CSMD1: variants seen among roughly 807,000 people sequenced by gnomAD.
CSMD1 encodes CUB and sushi domain-containing protein 1.
A neutral mutation model predicts 417.5 loss-of-function variants in CSMD1; 213 were observed. The ratio of observed to expected loss-of-function variants is 0.51; its 90% confidence interval spans 0.46 to 0.57. CSMD1 has a LOEUF of 0.57. CSMD1 is among the 20% of genes least tolerant of loss of function. The pLI is 0.00. For synonymous variants in CSMD1, 2,862 were observed against 1,736.8 expected, an observed-to-expected ratio of 1.65 and a Z score of -16.11; for missense variants, 6,923 against 4,529.7, an observed-to-expected ratio of 1.53 and a Z score of -15.17.
At chr8:4,071,491 C>T (rs1219989484) in intron 3 of CSMD1, among the ~76,000 whole-genome samples, 1 of 151,788 alleles carries the variant, frequency 6.6e-6, no homozygotes, top group Non-Finnish European at 1.5e-5. Flanking sequence ...TTTTTTTCAC[C>T]AAGAGCATTG....
At chr8:4,063,830 G>A (rs1230082732) in intron 3 of CSMD1, among the ~76,000 whole-genome samples, 1 of 152,264 alleles carries the variant, frequency 6.6e-6, no homozygotes, top group Non-Finnish European at 1.5e-5. Context: ...AATGTGGTAA[G>A]AAGGAACCAG....
intron 1 of CSMD1, among the ~76,000 whole-genome samples, chr8:4,704,027 C>T (rs74845931): frequency 5.3e-5 from 8 of 152,278 alleles, no homozygotes; most frequent in Admixed American, 1.3e-4. Flanking sequence ...TGAGACGAGG[C>T]GGATCTCAGG....
chr8:4,483,486 G>A (rs892520303), intron 2 of CSMD1, among the ~76,000 whole-genome samples: 1 of 152,126 alleles, frequency 6.6e-6, no homozygotes, highest in African/African-American at 2.4e-5. Flanking sequence ...AATCGATAAA[G>A]CAATAATGTA....
At chr8:4,035,147 C>A (rs1008159240) in intron 3 of CSMD1, among the ~76,000 whole-genome samples, 21 of 151,596 alleles carry the variant, frequency 1.4e-4, no homozygotes, top group African/African-American at 4.6e-4. Context: ...TATACAACAT[C>A]GGTCCCAGGA....
At chr8:3,926,322 T>C (rs1809724313) in intron 5 of CSMD1, among the ~76,000 whole-genome samples, 2 of 152,176 alleles carry the variant, frequency 1.3e-5, no homozygotes, top group Admixed American at 1.3e-4. Flanking sequence ...CTTTTCAATC[T>C]ATTACACACT....
intron 7 of CSMD1, among the ~76,000 whole-genome samples, chr8:3,667,502 C>T (rs79731760): frequency 0.1 from 15,179 of 151,742 alleles, 823 homozygotes; most frequent in Middle Eastern, 0.12. Context: ...GTGGCTGGAG[C>T]CAACTAGGGG....
chr8:4,532,682 C>A (rs1442583621), intron 2 of CSMD1, among the ~76,000 whole-genome samples: 1 of 148,756 alleles, frequency 6.7e-6, no homozygotes, highest in African/African-American at 2.5e-5. Context: ...AAATCCTGCA[C>A]CCCCATTCAA....
intron 5 of CSMD1, among the ~76,000 whole-genome samples, chr8:3,816,594 C>A (rs962808580): frequency 6.6e-6 from 1 of 152,038 alleles, no homozygotes; most frequent in Non-Finnish European, 1.5e-5. Context: ...AGTAGGGTGA[C>A]TGCAGTTCAC....
At chr8:4,140,060 A>G (rs1437382818) in intron 3 of CSMD1, among the ~76,000 whole-genome samples, 2 of 150,962 alleles carry the variant, frequency 1.3e-5, no homozygotes, top group African/African-American at 2.5e-5. Flanking sequence ...GATTATTAAA[A>G]ATAAGACAAT....
chr8:3,747,781 T>C (rs1377969909), intron 6 of CSMD1, among the ~76,000 whole-genome samples: 4 of 151,992 alleles, frequency 2.6e-5, no homozygotes, highest in South Asian at 2.1e-4. Context: ...TTTCCACCAA[T>C]AGTGCAAAAA....
intron 1 of CSMD1, among the ~76,000 whole-genome samples, chr8:4,656,805 G>A (rs961016343): frequency 1.3e-5 from 2 of 152,010 alleles, no homozygotes; most frequent in Non-Finnish European, 2.9e-5. Context: ...GGGGATTCTC[G>A]GTGTAAAGGA....
At chr8:4,487,621 A>C (rs771585659) in intron 2 of CSMD1, among the ~76,000 whole-genome samples, 1 of 152,224 alleles carries the variant, frequency 6.6e-6, no homozygotes, top group African/African-American at 2.4e-5. Flanking sequence ...TCAAAATTAA[A>C]GTAGAAATAA....
At chr8:3,939,780 C>T (rs1810752872) in intron 5 of CSMD1, among the ~76,000 whole-genome samples, 1 of 152,160 alleles carries the variant, frequency 6.6e-6, no homozygotes, top group Admixed American at 6.6e-5. Flanking sequence ...GAAAAACAAA[C>T]GTCATATGTT....
intron 10 of CSMD1, among the ~76,000 whole-genome samples, chr8:3,534,303 T>C (rs1798101110): frequency 1.3e-5 from 2 of 152,146 alleles, no homozygotes; most frequent in South Asian, 4.1e-4. Flanking sequence ...TCCTTCATCT[T>C]TACCTTGATG....
intron 3 of CSMD1, among the ~76,000 whole-genome samples, chr8:4,369,917 C>T (rs1197928164): frequency 6.6e-6 from 1 of 152,084 alleles, no homozygotes; most frequent in Admixed American, 6.5e-5. Context: ...GTATTTTATG[C>T]ATTTAAAGTT....
At position 4,796,894 on chromosome 8, in the gene CSMD1, C is replaced by T. The variant is rs185304009; in HGVS notation, c.86-159336G>A. The stretch of plus-strand genomic sequence containing the variant: ...GCCGCACATATGCACACAACTGAAA[C>T]GCTATGGACACATTAGGTCTCTGAG... On this transcript the variant is annotated intron_variant, in intron 1 of 69. Transcript: ENST00000635120. 2.1e-3 allele frequency among the ~76,000 whole-genome samples: 321 copies of T among 152,264 alleles called. 5 individuals carry two copies. The highest frequency in any genetic ancestry group is 0.017 in the Admixed American group (255 of 15,290).
chr8:3,504,035 G>C (rs1042732357), intron 10 of CSMD1, among the ~76,000 whole-genome samples: 2 of 152,100 alleles, frequency 1.3e-5, no homozygotes, highest in African/African-American at 2.4e-5. Flanking sequence ...CAGCACTGCA[G>C]GGTGACTGTC....
rs1320516299 is a variant in CSMD1 at position 3,964,845 on chromosome 8, G to T, written c.818+33058C>A. Among the ~76,000 whole-genome samples the T allele has an allele frequency of 5.3e-5, 8 of 152,128 alleles. No individual in the cohort carries two copies. In the East Asian group the frequency reaches 1.3e-3, roughly 26 times the overall value. On this transcript the variant is annotated intron_variant, in intron 5 of 69. Coordinates refer to ENST00000635120, the MANE Select transcript of CSMD1 (RefSeq NM_033225.6). ...AATAATACACGGTTATTCACTTAGT[G>T]GGGTTTCCACTTTTGAAAAAGTGTG...
intron 52 of CSMD1, among the ~76,000 whole-genome samples, chr8:3,007,393 C>T (rs1474269882): frequency 6.6e-6 from 1 of 151,534 alleles, no homozygotes; most frequent in African/African-American, 2.4e-5. Context: ...AGTAGAAATA[C>T]CATTTGACCC....
Sources: allele counts gnomAD v4.1 joint callset (sites outside exome capture counted in the v4.1 genomes callset), GRCh38; gene constraint gnomAD v4.1.1; transcripts MANE v1.5; gene names NCBI Gene and HGNC (gene_info 2026-07-23, HGNC 2026-07-21).